The following CRB1 variants were observed in gnomAD, a reference collection of about 807,000 sequenced individuals.
The protein encoded by CRB1 is protein crumbs homolog 1.
Under a neutral mutation model 120.0 loss-of-function variants are expected in CRB1, and 83 were observed. That is an observed-to-expected ratio of 0.69 (90% CI 0.58 to 0.83). The LOEUF (loss-of-function observed/expected upper bound fraction) is 0.83. Among genes scored for constraint, CRB1 ranks in the 40% least tolerant of loss-of-function variants. CRB1 has a pLI of 0.00. For missense variants in CRB1, 1,699 were observed against 1,687.6 expected, an observed-to-expected ratio of 1.01 and a Z score of -0.12; for synonymous variants, 625 against 612.5, an observed-to-expected ratio of 1.02 and a Z score of -0.30.
intron 4 of CRB1, among the ~76,000 whole-genome samples, chr1:197,349,924 C>T (rs1166014952): frequency 2.6e-5 from 4 of 151,712 alleles, no homozygotes; most frequent in African/African-American, 9.7e-5. Flanking sequence ...CAAGGTGAAA[C>T]CCCGTCTCTA....
At chr1:197,281,039 AT>A (rs1339842859) in intron 1 of CRB1, among the ~76,000 whole-genome samples, 1 of 151,942 alleles carries the variant, frequency 6.6e-6, no homozygotes, top group Non-Finnish European at 1.5e-5. Context: ...CAAAAAATCA[AT>A]TTAAAAAATA....
intron 2 of CRB1, among the ~76,000 whole-genome samples, chr1:197,333,272 T>G (rs2821131): frequency 0.68 from 103,148 of 152,128 alleles, 35,303 homozygotes; most frequent in East Asian, 0.91. Flanking sequence ...ACAGAAATGG[T>G]CTCAGAGAGA....
At chr1:197,211,974 ATATT>A in the CRB1 span, among the ~76,000 whole-genome samples, 10 of 152,208 alleles carry the variant, frequency 6.6e-5, no homozygotes, top group Non-Finnish European at 1.5e-4. Flanking sequence ...AATGAAAAAA[ATATT>A]TAAGTAGATA....
At chr1:197,253,090 G>A in the CRB1 span, among the ~76,000 whole-genome samples, 2 of 151,830 alleles carry the variant, frequency 1.3e-5, no homozygotes, top group Non-Finnish European at 2.9e-5. Context: ...CTTTACAATC[G>A]TTTGTTGACT....
At chr1:197,208,349 C>T in the CRB1 span, among the ~76,000 whole-genome samples, 1 of 152,158 alleles carries the variant, frequency 6.6e-6, no homozygotes, top group African/African-American at 2.4e-5. Flanking sequence ...TTTGGGTAGA[C>T]TATGTTAGAG....
At chr1:197,343,404 C>T (rs900415566) in intron 2 of CRB1, among the ~76,000 whole-genome samples, 13 of 151,984 alleles carry the variant, frequency 8.6e-5, no homozygotes, top group African/African-American at 3.1e-4. Flanking sequence ...TATTTAAATA[C>T]TACTACAACT....
chr1:197,254,239 C>T, the CRB1 span, among the ~76,000 whole-genome samples: 4 of 152,046 alleles, frequency 2.6e-5, no homozygotes, highest in African/African-American at 9.7e-5. Flanking sequence ...AACCCAAGTT[C>T]GCCAAAGTAA....
intron 1 of CRB1, among the ~76,000 whole-genome samples, chr1:197,308,350 ACTCCAGTC>A (rs568154115): frequency 1.3e-5 from 2 of 152,188 alleles, no homozygotes; most frequent in African/African-American, 4.8e-5. Context: ...TGGGATCCTT[ACTCCAGTC>A]CTCAGCATCA....
At position 197,421,058 on chromosome 1, in the gene CRB1, T is replaced by C. The variant is rs1334956674; in HGVS notation, c.1230T>C (p.Gly410=). The change falls in exon 6 of 12, where the codon GGT becomes GGC. Residue 410 remains glycine, a synonymous_variant. Transcript: ENST00000367400. ...CTTCAAACCCTTGCCAAAATGGTGG[T>C]ACTTGTGAGAACTTGCCTGGGAATT... ...ECSSNPCQNG[G]TCENLPGNYT... The C allele has an allele frequency of 1.9e-6, 3 of 1,614,214 alleles. No individual in the cohort carries two copies. The Admixed American group carries it at 5.0e-5, about 27-fold the overall frequency.
chr1:197,374,763 G>T (rs906005032), intron 5 of CRB1, among the ~76,000 whole-genome samples: 1 of 151,712 alleles, frequency 6.6e-6, no homozygotes, highest in Non-Finnish European at 1.5e-5. Context: ...ATATTGAATT[G>T]AAATGATGTC....
the CRB1 span, among the ~76,000 whole-genome samples, chr1:197,233,960 T>G: frequency 6.6e-6 from 1 of 152,178 alleles, no homozygotes; most frequent in Non-Finnish European, 1.5e-5. Context: ...AAATGCTGTC[T>G]CCTCCTTTTG....
At position 197,270,237 on chromosome 1, in the gene CRB1, C is replaced by T. The variant is rs571927865; in HGVS notation, c.70+1755C>T. ...ACATTGTGTTAAGCATTTTCTATAT[C>T]ATATATGTCATTTACTTCTTGCAAC... On this transcript the variant is annotated intron_variant, in intron 1 of 11. Coordinates refer to ENST00000367400, the MANE Select transcript of CRB1 (RefSeq NM_201253.3). Among the ~76,000 whole-genome samples, 3 of 152,100 alleles carry T rather than the reference C, an allele frequency of 2.0e-5. 1 individual carries two copies. Among genetic ancestry groups the T allele is most frequent in the Non-Finnish European group, 4.4e-5 (3 of 68,032 alleles).
At chr1:197,285,004 T>C (rs1041623133) in intron 1 of CRB1, among the ~76,000 whole-genome samples, 85 of 151,904 alleles carry the variant, frequency 5.6e-4, no homozygotes, top group Non-Finnish European at 2.2e-4. Flanking sequence ...TGACTTTAAA[T>C]ATTCATTACA....
At chr1:197,214,699 A>G in the CRB1 span, among the ~76,000 whole-genome samples, 2 of 152,224 alleles carry the variant, frequency 1.3e-5, no homozygotes, top group African/African-American at 4.8e-5. Context: ...AAACTTCACA[A>G]CAAAGGAAAG....
Position 197,344,477 on chromosome 1 carries a change from G to A in CRB1, c.848+1G>A, listed in dbSNP as rs2125328634. The A allele has an allele frequency of 1.2e-6, 2 of 1,613,328 alleles. No homozygotes were observed. The highest frequency in any genetic ancestry group is 1.7e-6 in the Non-Finnish European group (2 of 1,179,352). On this transcript the variant is annotated splice_donor_variant, in intron 3 of 11. Transcript: ENST00000367400. LOFTEE classifies it high-confidence loss of function. ...GGCTGTGTGTGGATGGAGAAAACAGGTACATTTTCTCTGGCGTTGGGTGAT... is the reference window on the plus strand; with the variant it reads ...GGCTGTGTGTGGATGGAGAAAACAGATACATTTTCTCTGGCGTTGGGTGAT...
At chr1:197,456,236 T>A (rs535219184) in intron 11 of CRB1, among the ~76,000 whole-genome samples, 62 of 152,098 alleles carry the variant, frequency 4.1e-4, no homozygotes, top group Non-Finnish European at 7.4e-4. Flanking sequence ...AGGAAAAAAA[T>A]TATATTTTGA....
chr1:197,233,843 G>A, the CRB1 span, among the ~76,000 whole-genome samples: 2 of 152,202 alleles, frequency 1.3e-5, no homozygotes, highest in African/African-American at 4.8e-5. Flanking sequence ...CCTAAAGTAA[G>A]ATCCCTCTAA....
intron 5 of CRB1, among the ~76,000 whole-genome samples, chr1:197,403,536 G>A (rs1663174949): frequency 1.3e-5 from 2 of 152,036 alleles, no homozygotes; most frequent in South Asian, 4.1e-4. Context: ...ATGTCTTTGA[G>A]GTAAAGCTGA....
At chr1:197,373,914 TA>T (rs2125387420) in intron 5 of CRB1, among the ~76,000 whole-genome samples, 1 of 152,192 alleles carries the variant, frequency 6.6e-6, no homozygotes, top group African/African-American at 2.4e-5. Context: ...AGCAGCAAAA[TA>T]ATCTAAAAAT....
Sources: gnomAD v4.1 joint callset for allele counts (sites outside exome capture counted in the v4.1 genomes callset) on GRCh38, gnomAD v4.1.1 for gene constraint, MANE v1.5 for transcripts, NCBI Gene and HGNC (gene_info 2026-07-23, HGNC 2026-07-21) for gene names.